Variants in WDR88 observed in about 807,000 individuals in gnomAD.
The protein encoded by WDR88 is WD repeat-containing protein 88.
In WDR88, 40 loss-of-function variants were observed where a neutral mutation model predicts 46.8. That is an observed-to-expected ratio of 0.86 (90% CI 0.66 to 1.11). The LOEUF is 1.11. WDR88 is among the 50% of genes most tolerant of loss of function. WDR88 has a pLI of 0.00. For synonymous variants in WDR88, 235 were observed against 240.7 expected, an observed-to-expected ratio of 0.98 and a Z score of 0.22; for missense variants, 562 against 602.4, an observed-to-expected ratio of 0.93 and a Z score of 0.70.
At chr19:33,132,557 C>A in intron 1 of WDR88, 112 bp downstream of exon 1, 1 of 1,462,354 alleles carries the variant, frequency 6.8e-7, no homozygotes, top group East Asian at 2.4e-5. Flanking sequence ...CCAGGACCCC[C>A]AGCGAGGCCC....
intron 2 of WDR88, among the ~76,000 whole-genome samples, chr19:33,143,654 A>T (rs1973449513): frequency 6.6e-6 from 1 of 151,958 alleles, no homozygotes; most frequent in African/African-American, 2.4e-5. Context: ...CAAAAAAAAA[A>T]AAAAAAAGTT....
At chr19:33,156,112 C>T (rs73926254) in intron 6 of WDR88, among the ~76,000 whole-genome samples, 4,114 of 152,286 alleles carry the variant, frequency 0.027, 195 homozygotes, top group African/African-American at 0.094. Context: ...GCTGGAACAG[C>T]GTGACAGTCT....
intron 9 of WDR88, among the ~76,000 whole-genome samples, chr19:33,166,186 G>A (rs1453049518): frequency 6.6e-6 from 1 of 151,372 alleles, no homozygotes; most frequent in Non-Finnish European, 1.5e-5. Flanking sequence ...GCTGAGGTGG[G>A]AGGATGGCTT....
At chr19:33,134,840 A>ACCCCCCCCCCCCC in intron 1 of WDR88, among the ~76,000 whole-genome samples, 209 of 62,372 alleles carry the variant, frequency 3.4e-3, no homozygotes, top group Middle Eastern at 7.7e-3. Flanking sequence ...CGTCCCCGAC[A>ACCCCCCCCCCCCC]CCCCCCCCCC....
At chr19:33,156,742 G>A (rs553032045) in intron 7 of WDR88, among the ~76,000 whole-genome samples, 200 bp downstream of exon 7, 3 of 152,134 alleles carry the variant, frequency 2.0e-5, no homozygotes, top group East Asian at 1.9e-4. Context: ...TCAATGTGGC[G>A]TATGCAACCA....
rs1273868222 is a variant in WDR88, at chr19:33,157,519, A to G, written c.997+977A>G. 3.5e-5 allele frequency among the ~76,000 whole-genome samples: 3 copies of G among 85,532 alleles called. No individual in the cohort carries two copies. The African/African-American group carries it at 3.7e-4, about 10-fold the overall frequency. The allele number at this position is 85,532 out of a possible 152,430, so 56.1% of individuals were successfully genotyped here. On this transcript the variant is annotated intron_variant, in intron 7 of 10. Coordinates refer to ENST00000355868, the MANE Select transcript of WDR88 (RefSeq NM_173479.4). Reference sequence around the variant, plus strand: ...TCTCAATATATATATATATGTATATATATGTGTATATATATATATATGTAT... The same window carrying G: ...TCTCAATATATATATATATGTATATGTATGTGTATATATATATATATGTAT...
In WDR88 at chr19:33,175,461, A is replaced by G. The variant is rs1427589505; in HGVS notation, c.1308A>G (p.Gln436=). The G allele has an allele frequency of 1.2e-6, 2 of 1,614,098 alleles. No homozygotes were observed. Among genetic ancestry groups the G allele is most frequent in the Non-Finnish European group, 8.5e-7 (1 of 1,180,018 alleles). Residue 436 remains glutamine (Q), a synonymous_variant, in exon 11 of 11, where the codon CAA becomes CAG. Transcript: ENST00000355868. ...KSDTSSEMFT[Q]CVFCRIDTRG... is the part of the protein sequence containing the mutation. ...ACACCTCTTCTGAAATGTTCACCCAATGCGTGTTCTGCCGGATAGATACAA... is the reference window on the plus strand; with the variant it reads ...ACACCTCTTCTGAAATGTTCACCCAGTGCGTGTTCTGCCGGATAGATACAA...
At chr19:33,174,378 G>A in intron 10 of WDR88, 1 of 1,424,352 alleles carries the variant, frequency 7.0e-7, no homozygotes, top group South Asian at 1.5e-5. Context: ...GGAGAGCCAG[G>A]GCAGGGGCGC....
chr19:33,152,234 A>AATATATATAT (rs58282641), intron 6 of WDR88, among the ~76,000 whole-genome samples: 3,766 of 147,354 alleles, frequency 0.026, 59 homozygotes, highest in Middle Eastern at 0.074. Flanking sequence ...TCTGTCTCAA[A>AATATATATAT]ATATATATAT....
intron 9 of WDR88, among the ~76,000 whole-genome samples, chr19:33,170,314 A>G (rs1214685341): frequency 1.3e-5 from 2 of 152,096 alleles, no homozygotes; most frequent in African/African-American, 4.8e-5. Flanking sequence ...AGTAGCTGGG[A>G]TTACAAGGTG....
intron 6 of WDR88, among the ~76,000 whole-genome samples, chr19:33,154,404 G>A (rs760384133): frequency 5.3e-5 from 8 of 152,054 alleles, no homozygotes; most frequent in Admixed American, 1.3e-4. Flanking sequence ...GCCTCAGTGT[G>A]TGATGTTCCC....
chr19:33,135,661 A>G (rs376828480), intron 1 of WDR88, among the ~76,000 whole-genome samples: 14 of 152,158 alleles, frequency 9.2e-5, no homozygotes, highest in African/African-American at 4.8e-5. Context: ...CAGGTGATCC[A>G]CCCACCTTGG....
chr19:33,164,121 C>T lies in WDR88; in HGVS notation c.1081-76C>T. On this transcript the variant is annotated intron_variant, in intron 8 of 10. Transcript: ENST00000355868. ...AAAGGCAGGTTACAGGTGTGAGCCACTACACCCAGCTTGTTTTTGTTGTTC... is the reference window on the plus strand; with the variant it reads ...AAAGGCAGGTTACAGGTGTGAGCCATTACACCCAGCTTGTTTTTGTTGTTC... The T allele has an allele frequency of 2.1e-6, 3 of 1,437,162 alleles. No homozygotes were observed. In the Admixed American group the frequency reaches 5.1e-5, roughly 24 times the overall value. The allele number at this position is 1,437,162 out of a possible 1,614,324, so 89.0% of individuals were successfully genotyped here.
At chr19:33,147,162 A>G (rs1973535887) in intron 3 of WDR88, among the ~76,000 whole-genome samples, 1 of 151,792 alleles carries the variant, frequency 6.6e-6, no homozygotes, top group South Asian at 2.1e-4. Context: ...ACTTGAGCCC[A>G]GAAGCTCAAG....
chr19:33,133,959 G>A (rs914474396), intron 1 of WDR88, among the ~76,000 whole-genome samples: 7 of 152,256 alleles, frequency 4.6e-5, no homozygotes, highest in African/African-American at 1.7e-4. Context: ...TCGAGGTTAG[G>A]GACTTTGCTC....
At chr19:33,149,727 C>T (rs1414989693) in intron 5 of WDR88, among the ~76,000 whole-genome samples, 5 of 151,508 alleles carry the variant, frequency 3.3e-5, no homozygotes, top group Non-Finnish European at 7.4e-5. Context: ...GGTGCGATCT[C>T]GGGTCACCTC....
chr19:33,174,394 C>T, intron 10 of WDR88: 1 of 1,403,618 alleles, frequency 7.1e-7, no homozygotes. Context: ...GGCGCGGCCA[C>T]CTTGCAGGCT....
intron 8 of WDR88, among the ~76,000 whole-genome samples, chr19:33,163,409 T>C (rs1973902146): frequency 6.6e-6 from 1 of 151,890 alleles, no homozygotes; most frequent in African/African-American, 2.4e-5. Context: ...GGCTGGATAA[T>C]TGCTTGAACC....
At chr19:33,160,572 G>C (rs1345245303) in intron 8 of WDR88, 76 bp downstream of exon 8, 36 of 1,499,238 alleles carry the variant, frequency 2.4e-5, no homozygotes, top group Non-Finnish European at 3.1e-5. Flanking sequence ...CTGGTTGCTG[G>C]GGACACAGCT....
Sources: allele counts gnomAD v4.1 joint callset (sites outside exome capture counted in the v4.1 genomes callset), GRCh38; gene constraint gnomAD v4.1.1; transcripts MANE v1.5; gene names NCBI Gene and HGNC (gene_info 2026-07-23, HGNC 2026-07-21).